Variants in MED27 observed in about 807,000 individuals in gnomAD.
The protein encoded by MED27 is mediator of RNA polymerase II transcription subunit 27.
A neutral mutation model predicts 38.2 loss-of-function variants in MED27; 30 were observed. The ratio of observed to expected loss-of-function variants is 0.79; its 90% CI spans 0.59 to 1.07. MED27 has a LOEUF of 1.07. Ranked by LOEUF, MED27 falls within the 50% of genes least tolerant of loss-of-function variation. The pLI is 0.00. For synonymous variants in MED27, 122 were observed against 153.5 expected, an observed-to-expected ratio of 0.79 and a Z score of 1.52; for missense variants, 289 against 397.5, an observed-to-expected ratio of 0.73 and a Z score of 2.32.
In MED27 at chr9:132,003,315, T is replaced by C. The variant is rs552762555; in HGVS notation, c.479+11022A>G. On this transcript the variant is annotated intron_variant, in intron 3 of 7. Transcript: ENST00000292035. The surrounding 1 kb of genome is among the most constrained non-coding windows in gnomAD (Gnocchi z 4.2). ...CTGCCACATTCAACTTAGTGCTTAATGGCCAGGTTCTTTATTACAGTTTTC... is the reference window on the plus strand; with the variant it reads ...CTGCCACATTCAACTTAGTGCTTAACGGCCAGGTTCTTTATTACAGTTTTC... 4.0e-4 allele frequency among the ~76,000 whole-genome samples: 61 copies of C among 152,368 alleles called. No individual in the cohort carries two copies. Among genetic ancestry groups the C allele is most frequent in the African/African-American group, 1.3e-3 (55 of 41,600 alleles).
chr9:131,899,556 C>T (rs1829895043), intron 4 of MED27, among the ~76,000 whole-genome samples: 1 of 152,146 alleles, frequency 6.6e-6, no homozygotes, highest in South Asian at 2.1e-4. Flanking sequence ...TGCGGTGGGA[C>T]CTTTTGAGGA....
At chr9:132,039,280 G>A (rs1384169172) in intron 2 of MED27, among the ~76,000 whole-genome samples, 1 of 152,200 alleles carries the variant, frequency 6.6e-6, no homozygotes, top group African/African-American at 2.4e-5. Flanking sequence ...TCTGCTGAGA[G>A]GCGGGAGAAC....
chr9:131,899,962 G>A (rs1431152183), intron 4 of MED27, among the ~76,000 whole-genome samples: 2 of 152,208 alleles, frequency 1.3e-5, no homozygotes, highest in African/African-American at 2.4e-5. Flanking sequence ...GCTACAGGTC[G>A]GCTCTTGGCA....
intron 2 of MED27, among the ~76,000 whole-genome samples, chr9:132,037,536 T>C (rs898879392): frequency 4.6e-5 from 7 of 152,208 alleles, no homozygotes; most frequent in African/African-American, 1.2e-4. Context: ...CAGTAAGCCA[T>C]TGAAATCCTT....
chr9:131,967,590 C>G (rs1831376624), intron 3 of MED27, among the ~76,000 whole-genome samples: 1 of 151,424 alleles, frequency 6.6e-6, no homozygotes, highest in African/African-American at 2.4e-5. Context: ...CTCCCGGGTT[C>G]AAGCAATTCT....
At chr9:132,073,402 G>T (rs1833983454) in intron 2 of MED27, 2 of 1,057,650 alleles carry the variant, frequency 1.9e-6, no homozygotes, top group African/African-American at 1.7e-5. Context: ...TTCACTGAAT[G>T]ATTACAGTGT....
chr9:132,032,260 T>C (rs571786267), intron 2 of MED27: 1 of 152,344 alleles, frequency 6.6e-6, no homozygotes, highest in African/African-American at 2.4e-5. Context: ...TTAAGTCTCA[T>C]GAAATAAAAT....
Position 131,885,678 on chromosome 9 carries a change from T to C in MED27, c.682-1579A>G, listed in dbSNP as rs1321797848. The stretch of plus-strand genomic sequence containing the variant: ...TAACCAAAAACATTTTGGTTTTTAC[T>C]GGTTTGCATGATATACCAAATCAAT... On this transcript the variant is annotated intron_variant, in intron 5 of 7. Coordinates refer to ENST00000292035, the MANE Select transcript of MED27 (RefSeq NM_004269.4). 2.6e-5 allele frequency among the ~76,000 whole-genome samples: 4 copies of C among 152,238 alleles called. No homozygotes were observed. The East Asian group carries it at 7.7e-4, about 29-fold the overall frequency.
chr9:132,005,450 G>A (rs1387104060), intron 3 of MED27, among the ~76,000 whole-genome samples: 1 of 152,156 alleles, frequency 6.6e-6, no homozygotes, highest in Non-Finnish European at 1.5e-5. Context: ...ATTTGACCAC[G>A]AAGGGTTTCT....
At chr9:132,024,790 C>T (rs1316462765) in intron 2 of MED27, among the ~76,000 whole-genome samples, 2 of 152,186 alleles carry the variant, frequency 1.3e-5, no homozygotes, top group African/African-American at 2.4e-5. Flanking sequence ...ATTAGTTGGA[C>T]AGCTCCTTCT....
chr9:131,952,654 TC>T (rs1348458079), intron 3 of MED27, among the ~76,000 whole-genome samples: 1 of 152,136 alleles, frequency 6.6e-6, no homozygotes, highest in Non-Finnish European at 1.5e-5. Flanking sequence ...AGCAGTGAGG[TC>T]AGGGTATTTA....
chr9:131,893,930 T>C lies in MED27; in HGVS notation c.636A>G (p.Thr212=). Residue 212 remains threonine (T), a synonymous_variant, in exon 5 of 8, where the codon ACA becomes ACG. Coordinates refer to ENST00000292035, the MANE Select transcript of MED27 (RefSeq NM_004269.4). The part of the protein sequence containing the change: ...VVMRSLFIDR[T]IVKGYNENVY... ...CATTCTCGTTATATCCCTTTACTAT[T>C]GTTCGATCAATGAACAGGCTCCGCA... 1 of 1,614,230 alleles carries C rather than the reference T, an allele frequency of 6.2e-7. No individual in the cohort carries two copies. Among genetic ancestry groups the C allele is most frequent in the East Asian group, 2.2e-5 (1 of 44,886 alleles).
intron 4 of MED27, among the ~76,000 whole-genome samples, chr9:131,903,159 T>C (rs546254366): frequency 2.0e-5 from 3 of 152,356 alleles, no homozygotes; most frequent in Non-Finnish European, 2.9e-5. Context: ...AGAGGTTTAT[T>C]GGACTTACAG....
At chr9:132,039,646 A>G (rs996548435) in intron 2 of MED27, among the ~76,000 whole-genome samples, 18 of 152,052 alleles carry the variant, frequency 1.2e-4, no homozygotes, top group Non-Finnish European at 2.9e-5. Context: ...AAGGAGGGGA[A>G]CCCTACTTCA....
rs894882104 is a variant in MED27, at chr9:132,071,496, G to A, written c.348+5946C>T. ...CCCACAAATAAGTCCATACACGTAC[G>A]AGTAACACTCACTCCATGAGCACAC... On this transcript the variant is annotated intron_variant, in intron 2 of 7. Transcript: ENST00000292035. Among the ~76,000 whole-genome samples the A allele has an allele frequency of 4.0e-5, 6 of 150,410 alleles. No individual in the cohort carries two copies. The East Asian group carries it at 5.9e-4, about 15-fold the overall frequency.
intron 3 of MED27, among the ~76,000 whole-genome samples, chr9:131,981,507 A>C (rs902840067): frequency 6.6e-6 from 1 of 152,338 alleles, no homozygotes; most frequent in African/African-American, 2.4e-5. Context: ...AACCAATCCT[A>C]ACTGAGGCAA....
rs1163027094 is a variant in MED27, at chr9:132,073,807, C to T, written c.348+3635G>A. On this transcript the variant is annotated intron_variant, in intron 2 of 7. Coordinates refer to ENST00000292035, the MANE Select transcript of MED27 (RefSeq NM_004269.4). The stretch of plus-strand genomic sequence containing the variant: ...GTAGCAGCAGCACCTCGCTCTGGGC[C>T]CATTTCCCAAGCCCAGTAAAAAGTG... The T allele has an allele frequency of 3.4e-6, 5 of 1,475,924 alleles. No individual in the cohort carries two copies. The African/African-American group carries it at 5.7e-5, about 17-fold the overall frequency. The allele number at this position is 1,475,924 out of a possible 1,614,324, so 91.4% of individuals were successfully genotyped here.
At chr9:131,983,682 G>A (rs565273825) in intron 3 of MED27, among the ~76,000 whole-genome samples, 1 of 152,184 alleles carries the variant, frequency 6.6e-6, no homozygotes, top group South Asian at 2.1e-4. Context: ...GCAGAGGTAG[G>A]TGTTTTCACT....
intron 2 of MED27, among the ~76,000 whole-genome samples, chr9:132,032,957 A>G (rs974123497): frequency 3.9e-5 from 6 of 152,258 alleles, no homozygotes; most frequent in Non-Finnish European, 8.8e-5. Context: ...CAACAAATTT[A>G]ATAGGTGTCT....
Sources: gnomAD v4.1 joint callset for allele counts (sites outside exome capture counted in the v4.1 genomes callset) on GRCh38, gnomAD v4.1.1 for gene constraint, Gnocchi (gnomAD v3.1) non-coding constraint, MANE v1.5 for transcripts, NCBI Gene and HGNC (gene_info 2026-07-23, HGNC 2026-07-21) for gene names.